The following XRCC4 variants were observed in gnomAD, a reference collection of about 807,000 sequenced individuals.
The protein encoded by XRCC4 is X-ray repair cross complementing 4, also known as DNA repair protein XRCC4.
Under a neutral mutation model 39.1 loss-of-function variants are expected in XRCC4, and 28 were observed. The observed-to-expected ratio is 0.72, with a 90% CI of 0.53 to 0.98. The LOEUF (loss-of-function observed/expected upper bound fraction) is 0.98, where lower values mean the gene tolerates loss of function less well. XRCC4 is among the 50% of genes least tolerant of loss of function. The pLI is 0.00. For synonymous variants in XRCC4, 123 were observed against 126.4 expected (o/e 0.97, Z 0.18); for missense variants, 350 against 376.4 (o/e 0.93, Z 0.58).
At chr5:83,270,785 A>T (rs4703947) in intron 7 of XRCC4, among the ~76,000 whole-genome samples, 3 of 62,168 alleles carry the variant, frequency 4.8e-5, no homozygotes, top group Non-Finnish European at 5.2e-5. Context: ...ACATATATAT[A>T]TGTATATATT....
At chr5:83,203,814 T>G (rs569797975) in intron 5 of XRCC4, 107 bp downstream of exon 5, 1 of 1,356,064 alleles carries the variant, frequency 7.4e-7, no homozygotes, top group South Asian at 1.3e-5. Context: ...TATGAGATAA[T>G]TTGGTAGTCT....
At chr5:83,238,059 A>C (rs1168943886) in intron 6 of XRCC4, among the ~76,000 whole-genome samples, 2 of 152,142 alleles carry the variant, frequency 1.3e-5, no homozygotes, top group Non-Finnish European at 2.9e-5. Flanking sequence ...GTACTGCCTC[A>C]AACTTCTGGG....
At chr5:83,130,380 T>C (rs1220615289) in intron 3 of XRCC4, among the ~76,000 whole-genome samples, 1 of 152,216 alleles carries the variant, frequency 6.6e-6, no homozygotes, top group Admixed American at 6.5e-5. Context: ...CAGTATTTTA[T>C]TGAGGATTTT....
chr5:83,226,394 C>T (rs1033958150), intron 6 of XRCC4, among the ~76,000 whole-genome samples: 2 of 152,014 alleles, frequency 1.3e-5, no homozygotes, highest in Non-Finnish European at 1.5e-5. Flanking sequence ...GAGCATCATA[C>T]GTTTCTTTTT....
chr5:83,131,248 G>A (rs79451822), intron 3 of XRCC4, among the ~76,000 whole-genome samples: 1 of 152,184 alleles, frequency 6.6e-6, no homozygotes, highest in Admixed American at 6.5e-5. Context: ...TTCAGGGGCA[G>A]GTTGTTCAGT....
At chr5:83,105,121 G>T (rs916045929) in intron 2 of XRCC4, 63 bp downstream of exon 2, 3 of 1,479,864 alleles carry the variant, frequency 2.0e-6, no homozygotes, top group Non-Finnish European at 9.1e-7. Context: ...AGTCCTCAGG[G>T]ATACTTTTCC....
chr5:83,334,033 G>GC (rs1262570739), intron 7 of XRCC4, among the ~76,000 whole-genome samples: 1 of 152,098 alleles, frequency 6.6e-6, no homozygotes, highest in Non-Finnish European at 1.5e-5. Context: ...CTCCCAAAGT[G>GC]CTGGGATTAC....
intron 7 of XRCC4, among the ~76,000 whole-genome samples, chr5:83,268,080 G>A (rs112599300): frequency 9.1e-4 from 138 of 152,276 alleles, no homozygotes; most frequent in African/African-American, 3.2e-3. Context: ...AAAGTTTACG[G>A]GTTGGCAGTG....
At chr5:83,280,151 C>T (rs1754485804) in intron 7 of XRCC4, 1 of 238,508 alleles carries the variant, frequency 4.2e-6, no homozygotes, top group Non-Finnish European at 9.0e-6. Context: ...TCCAAATGAT[C>T]GAGAAGTTTC....
At chr5:83,254,234 G>A (rs1351366336) in intron 6 of XRCC4, among the ~76,000 whole-genome samples, 4 of 151,690 alleles carry the variant, frequency 2.6e-5, no homozygotes, top group African/African-American at 7.3e-5. Flanking sequence ...AGTCAATATC[G>A]AATCCATACT....
chr5:83,091,459 G>A (rs1341145609), intron 1 of XRCC4, among the ~76,000 whole-genome samples: 1 of 152,068 alleles, frequency 6.6e-6, no homozygotes, highest in African/African-American at 2.4e-5. Flanking sequence ...CAACATCTGG[G>A]GATTACAATT....
At chr5:83,110,948 G>T (rs1746411988) in intron 2 of XRCC4, 80 bp from the exon 3 acceptor site, 5 of 1,297,552 alleles carry the variant, frequency 3.9e-6, no homozygotes, top group Non-Finnish European at 3.2e-6. Context: ...TGATAAATTA[G>T]TACTAACAGA....
intron 3 of XRCC4, among the ~76,000 whole-genome samples, chr5:83,152,612 G>A (rs1748761050): frequency 7.7e-6 from 1 of 130,564 alleles, no homozygotes; most frequent in Non-Finnish European, 1.6e-5. Flanking sequence ...CAGCCTGGAC[G>A]ACAAAGTGAG....
At chr5:83,344,128 TCTCACA>T (rs1438226747) in intron 7 of XRCC4, among the ~76,000 whole-genome samples, 29 of 134,850 alleles carry the variant, frequency 2.2e-4, no homozygotes, top group African/African-American at 5.8e-4. Context: ...CTGACACAGA[TCTCACA>T]CACACACACA....
At chr5:83,353,022 T>G in intron 7 of XRCC4, 109 bp from the exon 8 acceptor site, 1 of 876,116 alleles carries the variant, frequency 1.1e-6, no homozygotes, top group East Asian at 2.7e-5. Context: ...CTAAACCAAT[T>G]TGAAACAGGA....
rs140468434 is a variant in XRCC4, at chr5:83,139,016, T to C, written c.315+27813T>C. Among the ~76,000 whole-genome samples, 723 of 152,308 alleles carry C rather than the reference T, an allele frequency of 4.7e-3. 5 individuals are homozygous for C. The highest frequency in any genetic ancestry group is 0.015 in the African/African-American group (637 of 41,584). ...GTTCACATATTCCATTATATAATTA[T>C]AGTACAATTATTAAAACTAAGAAAT... On this transcript the variant is annotated intron_variant, in intron 3 of 7. Transcript: ENST00000396027.
chr5:83,309,048 G>T (rs1194888526), intron 7 of XRCC4, among the ~76,000 whole-genome samples: 2 of 151,394 alleles, frequency 1.3e-5, no homozygotes, highest in Non-Finnish European at 2.9e-5. Flanking sequence ...GGGAGGCTGA[G>T]GTGGGTGGAT....
At chr5:83,181,241 G>T (rs1750192248) in intron 3 of XRCC4, among the ~76,000 whole-genome samples, 2 of 150,568 alleles carry the variant, frequency 1.3e-5, no homozygotes, top group Admixed American at 6.6e-5. Flanking sequence ...TATAGTTATG[G>T]CTTAATTTTT....
At chr5:83,261,094 G>A (rs1391703263) in intron 7 of XRCC4, among the ~76,000 whole-genome samples, 1 of 151,288 alleles carries the variant, frequency 6.6e-6, no homozygotes, top group African/African-American at 2.4e-5. Flanking sequence ...GAATACAGGA[G>A]ACTGAAATTT....
Sources: gnomAD v4.1 joint callset for allele counts (sites outside exome capture counted in the v4.1 genomes callset) on GRCh38, gnomAD v4.1.1 for gene constraint, MANE v1.5 for transcripts, NCBI Gene and HGNC (gene_info 2026-07-23, HGNC 2026-07-21) for gene names.